The following DISC1 variants were observed in gnomAD, a reference collection of about 807,000 sequenced individuals.
DISC1 encodes the protein DISC1 scaffold protein, also known as disrupted in schizophrenia 1 protein.
In DISC1, 57 loss-of-function variants were observed where a neutral mutation model predicts 84.5. The ratio of observed to expected loss-of-function variants is 0.67; its 90% CI spans 0.55 to 0.84. The LOEUF (loss-of-function observed/expected upper bound fraction) is 0.84, where lower values mean the gene tolerates loss of function less well. Among genes scored for constraint, DISC1 ranks in the 40% least tolerant of loss-of-function variants. The pLI, the probability that DISC1 is intolerant of heterozygous loss-of-function variation, is 0.00. For missense variants in DISC1, 1,000 were observed against 1,057.8 expected, an observed-to-expected ratio of 0.95 and a Z score of 0.76; for synonymous variants, 411 against 415.2, an observed-to-expected ratio of 0.99 and a Z score of 0.12.
At chr1:231,950,054 G>A (rs188333032) in intron 9 of DISC1, among the ~76,000 whole-genome samples, 10 of 152,210 alleles carry the variant, frequency 6.6e-5, no homozygotes, top group Non-Finnish European at 1.5e-4. Flanking sequence ...AGCACTCAGT[G>A]TGAGCTCACT....
chr1:231,789,241 T>G (rs1573836194), intron 6 of DISC1, among the ~76,000 whole-genome samples: 1 of 152,082 alleles, frequency 6.6e-6, no homozygotes, highest in East Asian at 1.9e-4. Flanking sequence ...TTATGTGTGC[T>G]GGGGCAGAAG....
At chr1:232,001,212 G>A (rs1283729708) in intron 10 of DISC1, among the ~76,000 whole-genome samples, 2 of 152,262 alleles carry the variant, frequency 1.3e-5, no homozygotes, top group South Asian at 4.2e-4. Flanking sequence ...CTGAGTAGCT[G>A]GAACTACAAG....
intron 12 of DISC1, among the ~76,000 whole-genome samples, chr1:232,029,113 G>A (rs766804975): frequency 6.6e-6 from 1 of 152,120 alleles, no homozygotes; most frequent in Non-Finnish European, 1.5e-5. Context: ...TATAATAAAA[G>A]TATTTCACTG....
chr1:231,905,416 C>T (rs182881183), intron 9 of DISC1, among the ~76,000 whole-genome samples: 4 of 151,776 alleles, frequency 2.6e-5, no homozygotes, highest in East Asian at 1.9e-4. Context: ...CCTGAGAGTT[C>T]GAAACCAGCC....
intron 10 of DISC1, among the ~76,000 whole-genome samples, chr1:232,006,372 C>T (rs934910787): frequency 1.1e-4 from 17 of 152,046 alleles, no homozygotes; most frequent in Non-Finnish European, 2.9e-5. Context: ...ATAATGAAGT[C>T]CAGGCTGAGG....
At chr1:231,799,987 ATTAC>A in intron 7 of DISC1, 117 bp from the exon 8 acceptor site, 1 of 591,330 alleles carries the variant, frequency 1.7e-6, no homozygotes, top group Non-Finnish European at 3.0e-6. Flanking sequence ...TTGTCTTCCA[ATTAC>A]TTTTCATCAC....
intron 6 of DISC1, among the ~76,000 whole-genome samples, chr1:231,788,637 A>G (rs1279623515): frequency 6.6e-6 from 1 of 152,240 alleles, no homozygotes; most frequent in African/African-American, 2.4e-5. Context: ...TCTAACAGAG[A>G]TAAACCAGAG....
At chr1:231,851,666 C>T (rs1022323858) in intron 9 of DISC1, among the ~76,000 whole-genome samples, 3 of 152,048 alleles carry the variant, frequency 2.0e-5, no homozygotes, top group East Asian at 1.9e-4. Context: ...GGCCGTGATG[C>T]GTCGTCATGG....
At chr1:232,025,381 ACT>A (rs1421310098) in intron 11 of DISC1, among the ~76,000 whole-genome samples, 3 of 151,978 alleles carry the variant, frequency 2.0e-5, no homozygotes, top group Admixed American at 1.3e-4. Context: ...CAGAGTTTAG[ACT>A]CTGCTCTGTG....
intron 9 of DISC1, among the ~76,000 whole-genome samples, chr1:231,894,746 TG>T (rs2087547093): frequency 1.2e-3 from 3 of 2,408 alleles, no homozygotes; most frequent in African/African-American, 2.3e-3. Context: ...TGTCATCTGT[TG>T]TGTGTGTGTG....
intron 1 of DISC1, among the ~76,000 whole-genome samples, chr1:231,662,853 A>C (rs970708119): frequency 1.3e-5 from 2 of 152,242 alleles, no homozygotes; most frequent in African/African-American, 4.8e-5. Context: ...CTGTAAAAAA[A>C]AGGTCAACAA....
At position 231,959,087 on chromosome 1, in the gene DISC1, AT is replaced by A. The variant is rs1028293246; in HGVS notation, c.2042+201del. ...ATCTTGTCTTTTAAAAAGTAAGTAG[AT>A]TAAGATGTTTAAAAGTGTCTTGGAG... On this transcript the variant is annotated intron_variant, in intron 10 of 12. Coordinates refer to ENST00000439617, the MANE Select transcript of DISC1 (RefSeq NM_018662.3). The A allele has an allele frequency of 1.3e-5, 17 of 1,356,936 alleles. No individual in the cohort carries two copies. In the African/African-American group the frequency reaches 2.1e-4, roughly 17 times the overall value. The allele number at this position is 1,356,936 out of a possible 1,614,324, so 84.1% of individuals were successfully genotyped here.
Position 231,694,092 on chromosome 1 carries a change from A to G in DISC1, c.334A>G (p.Arg112Gly). Residue 112 changes from arginine (R) to glycine (G), a missense_variant, in exon 2 of 13, where the codon AGA becomes GGA. Transcript: ENST00000439617. ...SAAAPTVTSV[R>G]GTSAHFGIQL... ...AGCAGCCCCTACTGTGACCTCTGTG[A>G]GAGGAACCTCGGCGCACTTTGGGAT... 1 of 1,614,144 alleles carries G rather than the reference A, an allele frequency of 6.2e-7. No homozygotes were observed. Among genetic ancestry groups the G allele is most frequent in the Non-Finnish European group, 8.5e-7 (1 of 1,180,020 alleles).
intron 9 of DISC1, among the ~76,000 whole-genome samples, chr1:231,883,463 G>C (rs1294245336): frequency 6.6e-6 from 1 of 152,160 alleles, no homozygotes; most frequent in African/African-American, 2.4e-5. Flanking sequence ...GGTGTGAGTG[G>C]GTGGCCATGT....
Position 231,944,487 on chromosome 1 carries a change from G to A in DISC1, c.1982-14341G>A, listed in dbSNP as rs540937983. On this transcript the variant is annotated intron_variant, in intron 9 of 12. Transcript: ENST00000439617. ...TCAGAGCTCCCTGTGGGTTGGCTGGGGCATTTGTCAGATATGCTTTGCAGC... is the reference window on the plus strand; with the variant it reads ...TCAGAGCTCCCTGTGGGTTGGCTGGAGCATTTGTCAGATATGCTTTGCAGC... Among the ~76,000 whole-genome samples, 222 of 152,252 alleles carry A rather than the reference G, an allele frequency of 1.5e-3. 1 individual carries two copies. Among genetic ancestry groups the A allele is most frequent in the South Asian group, 6.6e-3 (32 of 4,826 alleles).
chr1:231,736,164 C>G (rs908393099), intron 3 of DISC1, among the ~76,000 whole-genome samples: 3 of 152,112 alleles, frequency 2.0e-5, no homozygotes, highest in Admixed American at 6.5e-5. Context: ...ATGCCTGACA[C>G]TGAGCTTTTT....
intron 9 of DISC1, among the ~76,000 whole-genome samples, chr1:231,820,663 C>T (rs2081423490): frequency 1.3e-5 from 2 of 152,188 alleles, no homozygotes; most frequent in Non-Finnish European, 1.5e-5. Context: ...ACCTGGCTGA[C>T]CCAGCCACAT....
rs754316109 is a variant in DISC1, at chr1:231,958,813, C to G, written c.1982-15C>G. On this transcript the variant is annotated splice_polypyrimidine_tract_variant and intron_variant, in intron 9 of 12. Coordinates refer to ENST00000439617, the MANE Select transcript of DISC1 (RefSeq NM_018662.3). Reference sequence around the variant, plus strand: ...TGCAGTTGCATTAACTTTGGATTTCCTTTTTTTCCCCCAGAAACAAGTGTG... The same window carrying G: ...TGCAGTTGCATTAACTTTGGATTTCGTTTTTTTCCCCCAGAAACAAGTGTG... The G allele has an allele frequency of 1.2e-6, 2 of 1,611,868 alleles. No homozygotes were observed. Among genetic ancestry groups the G allele is most frequent in the South Asian group, 2.2e-5 (2 of 90,370 alleles).
At chr1:231,793,103 A>C (rs986592605) in intron 6 of DISC1, among the ~76,000 whole-genome samples, 8 of 152,222 alleles carry the variant, frequency 5.3e-5, no homozygotes, top group Non-Finnish European at 1.2e-4. Flanking sequence ...AGAAGTGACA[A>C]ATTGGTGGAT....
Sources: allele counts gnomAD v4.1 joint callset (sites outside exome capture counted in the v4.1 genomes callset), GRCh38; gene constraint gnomAD v4.1.1; transcripts MANE v1.5; gene names NCBI Gene and HGNC (gene_info 2026-07-23, HGNC 2026-07-21).